Variants in CDH12 observed in about 807,000 individuals in gnomAD.
CDH12 encodes cadherin 12.
Under a neutral mutation model 74.1 loss-of-function variants are expected in CDH12, and 41 were observed. That is an observed-to-expected ratio of 0.55 (90% CI 0.43 to 0.72). CDH12 has a LOEUF of 0.72. Ranked by LOEUF, CDH12 falls within the 30% of genes least tolerant of loss-of-function variation. The pLI, the probability that CDH12 is intolerant of heterozygous loss-of-function variation, is 0.00. For missense variants in CDH12, 945 were observed against 977.2 expected (o/e 0.97, Z 0.44); for synonymous variants, 399 against 355.0 (o/e 1.12, Z -1.39).
chr5:22,269,024 C>T (rs1032278437), intron 3 of CDH12, among the ~76,000 whole-genome samples: 1 of 151,966 alleles, frequency 6.6e-6, no homozygotes, highest in Admixed American at 6.6e-5. Flanking sequence ...GCTTTATGAA[C>T]CTGGACAAAT....
At chr5:21,835,473 G>A (rs1749479531) in intron 8 of CDH12, among the ~76,000 whole-genome samples, 1 of 151,606 alleles carries the variant, frequency 6.6e-6, no homozygotes, top group Admixed American at 6.6e-5. Flanking sequence ...CAAACATTAA[G>A]TACCTGACAA....
intron 3 of CDH12, among the ~76,000 whole-genome samples, chr5:22,282,075 G>A (rs1736913832): frequency 6.6e-6 from 1 of 152,000 alleles, no homozygotes; most frequent in Non-Finnish European, 1.5e-5. Context: ...CAGAACAGAG[G>A]CCTCACAAAT....
rs192936823 is a variant in CDH12, at chr5:22,618,251, C to T, written c.-522-112887G>A. On this transcript the variant is annotated intron_variant, in intron 1 of 14. Coordinates refer to ENST00000382254, the MANE Select transcript of CDH12 (RefSeq NM_004061.5). ...TGTGAGATACAGCATTTTACTTTTT[C>T]TCTGCTATGACCACAAGTTGAGAAT... 5.3e-4 allele frequency among the ~76,000 whole-genome samples: 80 copies of T among 152,190 alleles called. 1 individual carries two copies. The Middle Eastern group carries it at 0.01, about 19-fold the overall frequency.
chr5:22,370,164 AC>A (rs1373092472), intron 3 of CDH12, among the ~76,000 whole-genome samples: 1 of 152,166 alleles, frequency 6.6e-6, no homozygotes, highest in Non-Finnish European at 1.5e-5. Flanking sequence ...TATATATTGC[AC>A]ATATTCAAGA....
chr5:22,575,280 A>G lies in CDH12; in HGVS notation c.-522-69916T>C, dbSNP rs1021213303. 2.0e-5 allele frequency among the ~76,000 whole-genome samples: 3 copies of G among 151,976 alleles called. No individual in the cohort carries two copies. In the South Asian group the frequency reaches 6.2e-4, roughly 32 times the overall value. ...AATATATCCTCCTTCCCCAACCCTTATTGTATTTCTTCATCATTTTCAACC... is the reference window on the plus strand; with the variant it reads ...AATATATCCTCCTTCCCCAACCCTTGTTGTATTTCTTCATCATTTTCAACC... On this transcript the variant is annotated intron_variant, in intron 1 of 14. Coordinates refer to ENST00000382254, the MANE Select transcript of CDH12 (RefSeq NM_004061.5).
intron 1 of CDH12, among the ~76,000 whole-genome samples, chr5:22,628,787 C>T (rs770727639): frequency 1.3e-5 from 2 of 151,676 alleles, no homozygotes; most frequent in Non-Finnish European, 2.9e-5. Flanking sequence ...AAAAAACTTA[C>T]AAAAGATCGA....
intron 1 of CDH12, among the ~76,000 whole-genome samples, chr5:22,576,403 A>G (rs1437088849): frequency 6.6e-6 from 1 of 152,228 alleles, no homozygotes; most frequent in Non-Finnish European, 1.5e-5. Flanking sequence ...TGTTGGGACC[A>G]CAAATGCCTG....
intron 11 of CDH12, among the ~76,000 whole-genome samples, chr5:21,766,006 A>G (rs1267501247): frequency 6.6e-6 from 1 of 152,042 alleles, no homozygotes; most frequent in African/African-American, 2.4e-5. Flanking sequence ...CCAGGATTAT[A>G]AAAATCTAAA....
intron 2 of CDH12, among the ~76,000 whole-genome samples, chr5:22,470,605 G>A (rs1193869223): frequency 5.3e-5 from 8 of 151,788 alleles, no homozygotes; most frequent in African/African-American, 1.9e-4. Flanking sequence ...AATTTTTGTA[G>A]AGATAAGGTC....
At chr5:21,899,902 A>G (rs1441750358) in intron 6 of CDH12, among the ~76,000 whole-genome samples, 2 of 152,030 alleles carry the variant, frequency 1.3e-5, no homozygotes, top group Non-Finnish European at 2.9e-5. Context: ...AATTTCCATT[A>G]TAAAGATGAG....
intron 1 of CDH12, among the ~76,000 whole-genome samples, chr5:22,529,182 TATATATAGAGAGAGAGAGAG>T (rs1435775963): frequency 2.9e-4 from 28 of 96,772 alleles, no homozygotes; most frequent in Non-Finnish European, 3.6e-4. Flanking sequence ...TATATATATA[TATATATAGAGAGAGAGAGAG>T]AGAGAGAGAG....
intron 3 of CDH12, among the ~76,000 whole-genome samples, chr5:22,375,187 A>G (rs1741468295): frequency 6.6e-6 from 1 of 152,142 alleles, no homozygotes; most frequent in Non-Finnish European, 1.5e-5. Context: ...TATGCCAAGA[A>G]CAATTCTGAG....
chr5:22,164,882 A>G (rs1272590153), intron 4 of CDH12, among the ~76,000 whole-genome samples: 1 of 142,576 alleles, frequency 7.0e-6, no homozygotes, highest in Admixed American at 7.2e-5. Context: ...GTCTCTCACT[A>G]GCACAAACCA....
chr5:22,196,210 T>C (rs1561210192), intron 4 of CDH12, among the ~76,000 whole-genome samples: 1 of 151,118 alleles, frequency 6.6e-6, no homozygotes, highest in Non-Finnish European at 1.5e-5. Context: ...AGTGGCATGA[T>C]CTCGGCTCAC....
chr5:22,643,206 C>T (rs1294496119), intron 1 of CDH12, among the ~76,000 whole-genome samples: 1 of 152,090 alleles, frequency 6.6e-6, no homozygotes, highest in Non-Finnish European at 1.5e-5. Flanking sequence ...AACTCCCAAT[C>T]GTTTTCTCAG....
At chr5:21,898,656 C>G (rs10070281) in intron 6 of CDH12, among the ~76,000 whole-genome samples, 2 of 151,732 alleles carry the variant, frequency 1.3e-5, no homozygotes, top group Non-Finnish European at 2.9e-5. Flanking sequence ...GAGCTGAGAT[C>G]GCGCCACTGC....
intron 2 of CDH12, among the ~76,000 whole-genome samples, chr5:22,486,124 C>A (rs1258382707): frequency 6.6e-6 from 1 of 152,182 alleles, no homozygotes; most frequent in African/African-American, 2.4e-5. Flanking sequence ...GTTGCCCCAG[C>A]CAGAATCACC....
At chr5:22,649,085 G>A (rs1739589394) in intron 1 of CDH12, among the ~76,000 whole-genome samples, 1 of 151,970 alleles carries the variant, frequency 6.6e-6, no homozygotes, top group South Asian at 2.1e-4. Context: ...GAAAACAGAT[G>A]TAGAGAAATG....
At chr5:22,723,001 A>C (rs1469835438) in intron 1 of CDH12, among the ~76,000 whole-genome samples, 1 of 152,220 alleles carries the variant, frequency 6.6e-6, no homozygotes, top group East Asian at 1.9e-4. Context: ...TAAATATAGC[A>C]GGTAAACACT....
Sources: gnomAD v4.1 joint callset for allele counts (sites outside exome capture counted in the v4.1 genomes callset) on GRCh38, gnomAD v4.1.1 for gene constraint, MANE v1.5 for transcripts, NCBI Gene and HGNC (gene_info 2026-07-23, HGNC 2026-07-21) for gene names.